Variants in EML6 observed in about 807,000 individuals in gnomAD.
The protein encoded by EML6 is echinoderm microtubule-associated protein-like 6.
In EML6, 154 loss-of-function variants were observed where a neutral mutation model predicts 240.1. The ratio of observed to expected loss-of-function variants is 0.64; its 90% CI spans 0.56 to 0.73. EML6 has a LOEUF of 0.73. EML6 is among the 30% of genes least tolerant of loss of function. The pLI, the probability that EML6 is intolerant of heterozygous loss-of-function variation, is 0.00. For missense variants in EML6, 2,964 were observed against 2,474.6 expected, an observed-to-expected ratio of 1.20 and a Z score of -4.20; for synonymous variants, 1,148 against 899.0, an observed-to-expected ratio of 1.28 and a Z score of -4.95.
At position 54,879,553 on chromosome 2, in the gene EML6, G is replaced by T. The variant is rs1558642734; in HGVS notation, c.2351G>T (p.Gly784Val). ...TTGTGTTGTTTTCATACAGCCGATG[G>T]AAAATGTCTGGTGTCGGTTGGTTTA... ...GVCALDFSADGKCLVSVGLDD... is the reference protein window; with the variant it reads ...GVCALDFSADVKCLVSVGLDD... The change falls in exon 17 of 42, where the codon GGA (glycine) becomes GTA (valine). Residue 784 changes from glycine (G) to valine (V), a missense_variant. Transcript: ENST00000356458. The T allele has an allele frequency of 6.4e-7, 1 of 1,550,448 alleles. No individual in the cohort carries two copies. Among genetic ancestry groups the T allele is most frequent in the East Asian group, 2.4e-5 (1 of 40,912 alleles).
intron 10 of EML6, among the ~76,000 whole-genome samples, chr2:54,852,119 C>T (rs1010381192): frequency 6.6e-6 from 1 of 152,074 alleles, no homozygotes; most frequent in Admixed American, 6.5e-5. Context: ...TGTTTTAGTC[C>T]CAGATCTTTG....
chr2:54,810,034 T>A (rs1399059297), intron 2 of EML6, among the ~76,000 whole-genome samples: 1 of 152,154 alleles, frequency 6.6e-6, no homozygotes, highest in Non-Finnish European at 1.5e-5. Context: ...AATGGTAACA[T>A]TATGAGTCAC....
chr2:54,831,506 C>A (rs367977407), intron 7 of EML6, among the ~76,000 whole-genome samples: 1 of 151,890 alleles, frequency 6.6e-6, no homozygotes, highest in African/African-American at 2.4e-5. Flanking sequence ...GGACAGTCAG[C>A]GACGCCCTCC....
chr2:54,759,130 A>G (rs1667867757), intron 2 of EML6, among the ~76,000 whole-genome samples: 1 of 151,210 alleles, frequency 6.6e-6, no homozygotes, highest in Non-Finnish European at 1.5e-5. Flanking sequence ...TCCATTTGTG[A>G]AATGTGTGAT....
intron 29 of EML6, among the ~76,000 whole-genome samples, chr2:54,949,596 CCT>C (rs894053540): frequency 1.3e-5 from 2 of 152,086 alleles, no homozygotes; most frequent in Non-Finnish European, 2.9e-5. Flanking sequence ...CAGACTCCAC[CCT>C]CTCTCTCTGA....
At chr2:54,925,733 A>AT (rs1426981146) in intron 26 of EML6, among the ~76,000 whole-genome samples, 1 of 152,096 alleles carries the variant, frequency 6.6e-6, no homozygotes, top group Non-Finnish European at 1.5e-5. Context: ...AGCACGACCC[A>AT]TTTTTGTAGT....
At chr2:54,820,786 G>T (rs1452588316) in intron 5 of EML6, among the ~76,000 whole-genome samples, 1 of 152,134 alleles carries the variant, frequency 6.6e-6, no homozygotes, top group South Asian at 2.1e-4. Context: ...ATGTTGTGAA[G>T]TAAGTTTTTC....
chr2:54,909,836 G>A (rs13028800), intron 24 of EML6, among the ~76,000 whole-genome samples: 10,039 of 133,082 alleles, frequency 0.075, 490 homozygotes, highest in South Asian at 0.15. Flanking sequence ...GGGTGACAGA[G>A]CGAGACTCCA....
At chr2:54,838,401 C>T (rs1669264852) in intron 7 of EML6, among the ~76,000 whole-genome samples, 1 of 152,228 alleles carries the variant, frequency 6.6e-6, no homozygotes, top group Admixed American at 6.5e-5. Flanking sequence ...ATAATCTCCA[C>T]TTTACAGATG....
chr2:54,782,411 T>C (rs1210142990), intron 2 of EML6, among the ~76,000 whole-genome samples: 1 of 152,158 alleles, frequency 6.6e-6, no homozygotes, highest in Non-Finnish European at 1.5e-5. Context: ...ATTAGAGAGA[T>C]TTCCTAGGGA....
Position 54,879,699 on chromosome 2 carries a change from A to G in EML6, c.2438+59A>G, listed in dbSNP as rs150980757. On this transcript the variant is annotated intron_variant, in intron 17 of 41. Transcript: ENST00000356458. Reference sequence around the variant, plus strand: ...TGATACCACGGTTCAGTAAAGGTCAATAGTTTTCATTTTCTGGTAAGATTT... The same window carrying G: ...TGATACCACGGTTCAGTAAAGGTCAGTAGTTTTCATTTTCTGGTAAGATTT... 39 of 995,746 alleles carry G rather than the reference A, an allele frequency of 3.9e-5. 1 individual carries two copies. The highest frequency in any genetic ancestry group is 1.5e-4 in the South Asian group (10 of 67,208). 61.7% of individuals were successfully genotyped at this position (995,746 alleles called of 1,614,324 possible). A position where few individuals can be genotyped will look rare whatever the true frequency, so the allele number is the denominator to read the frequency against.
chr2:54,912,856 G>C (rs897644320), intron 25 of EML6, among the ~76,000 whole-genome samples: 1 of 152,182 alleles, frequency 6.6e-6, no homozygotes, highest in African/African-American at 2.4e-5. Flanking sequence ...TGTGAATAGT[G>C]CTGCAATGAA....
rs779502073 is a variant in EML6, at chr2:54,903,493, G to A, written c.3400G>A (p.Asp1134Asn). 3 of 1,548,174 alleles carry A rather than the reference G, an allele frequency of 1.9e-6. No individual in the cohort carries two copies. The highest frequency in any genetic ancestry group is 2.6e-6 in the Non-Finnish European group (3 of 1,145,978). Reference protein sequence around the residue: ...ASSYITHIDWDSRGKLLQVNS... With the variant: ...ASSYITHIDWNSRGKLLQVNS... The stretch of plus-strand genomic sequence containing the variant: ...TAGTTATATTACACACATTGACTGG[G>A]ACTCTAGAGGTAAAGTATGTTGTGG... The change falls in exon 24 of 42, where the codon GAC becomes AAC. Residue 1134 changes from aspartate (D) to asparagine (N), a missense_variant. By Grantham distance (23) the Asp-to-Asn change is conservative. Transcript: ENST00000356458.
At chr2:54,872,797 C>G (rs938294132) in intron 16 of EML6, among the ~76,000 whole-genome samples, 40 of 152,194 alleles carry the variant, frequency 2.6e-4, no homozygotes, top group African/African-American at 7.2e-4. Flanking sequence ...TCCTCCCGCC[C>G]TTTAAGGTCA....
intron 30 of EML6, among the ~76,000 whole-genome samples, chr2:54,951,820 AG>A (rs1293981562): frequency 6.6e-6 from 1 of 152,076 alleles, no homozygotes; most frequent in Non-Finnish European, 1.5e-5. Context: ...TGTGTATCTG[AG>A]GGGGAGGAGG....
intron 28 of EML6, among the ~76,000 whole-genome samples, chr2:54,944,243 C>T (rs779953080): frequency 2.0e-5 from 3 of 152,162 alleles, no homozygotes; most frequent in African/African-American, 7.2e-5. Context: ...CAAAGCTCAA[C>T]GTGCCAAAAT....
Position 54,850,118 on chromosome 2 carries a change from C to T in EML6, c.1344C>T (p.Ser448=). The change falls in exon 10 of 42, where the codon AGC becomes AGT. Residue 448 remains serine, a synonymous_variant. Coordinates refer to ENST00000356458, the MANE Select transcript of EML6 (RefSeq NM_001039753.4). ...GGTATAAGAAAATTGGAGAATGCAG[C>T]AAGTCCCTTAGTTTCATCACGCATA... ...AQRYKKIGEC[S]KSLSFITHID... The T allele has an allele frequency of 1.3e-6, 2 of 1,551,988 alleles. No homozygotes were observed. The highest frequency in any genetic ancestry group is 1.7e-6 in the Non-Finnish European group (2 of 1,147,008).
chr2:54,840,554 G>C (rs1014101620), intron 7 of EML6, among the ~76,000 whole-genome samples: 3 of 152,182 alleles, frequency 2.0e-5, no homozygotes, highest in African/African-American at 4.8e-5. Flanking sequence ...GTCAGGCACA[G>C]AGTAGTGCTG....
intron 26 of EML6, among the ~76,000 whole-genome samples, chr2:54,927,993 C>A (rs918046608): frequency 3.3e-5 from 5 of 152,160 alleles, no homozygotes; most frequent in African/African-American, 1.2e-4. Flanking sequence ...ACACTAGAGA[C>A]CTGTGGAGGC....
Sources: allele counts gnomAD v4.1 joint callset (sites outside exome capture counted in the v4.1 genomes callset), GRCh38; gene constraint gnomAD v4.1.1; transcripts MANE v1.5; gene names NCBI Gene and HGNC (gene_info 2026-07-23, HGNC 2026-07-21).